The following USP34 variants were observed in gnomAD, a reference collection of about 807,000 sequenced individuals.
USP34 encodes ubiquitin specific peptidase 34.
Under a neutral mutation model 460.3 loss-of-function variants are expected in USP34, and 70 were observed. The observed-to-expected ratio is 0.15, with a 90% CI of 0.13 to 0.19. USP34 has a LOEUF of 0.19. Ranked by LOEUF, USP34 falls within the 10% of genes least tolerant of loss-of-function variation. USP34 has a pLI of 1.00. For missense variants in USP34, 3,985 were observed against 4,236.2 expected, an observed-to-expected ratio of 0.94 and a Z score of 1.65; for synonymous variants, 1,647 against 1,405.3, an observed-to-expected ratio of 1.17 and a Z score of -3.85.
At chr2:61,244,572 G>A (rs570013211) in intron 51 of USP34, among the ~76,000 whole-genome samples, 6 of 150,620 alleles carry the variant, frequency 4.0e-5, no homozygotes, top group Non-Finnish European at 7.4e-5. Flanking sequence ...CCGAGATCGC[G>A]CCACTGACTC....
chr2:61,223,813 C>A (rs549595304), intron 62 of USP34, among the ~76,000 whole-genome samples: 1 of 152,262 alleles, frequency 6.6e-6, no homozygotes, highest in South Asian at 2.1e-4. Flanking sequence ...GCACAAGCCA[C>A]TACACCTAGA....
At chr2:61,230,806 T>G (rs1482191759) in intron 58 of USP34, among the ~76,000 whole-genome samples, 7 of 147,438 alleles carry the variant, frequency 4.7e-5, no homozygotes, top group Non-Finnish European at 7.4e-5. Flanking sequence ...ACCACGGCAC[T>G]GCACTCTAGC....
At chr2:61,374,780 G>T (rs1692741383) in intron 8 of USP34, among the ~76,000 whole-genome samples, 1 of 152,232 alleles carries the variant, frequency 6.6e-6, no homozygotes, top group East Asian at 1.9e-4. Flanking sequence ...TGTTGCCCAG[G>T]CTAGTCTTGA....
In USP34 at chr2:61,212,332, A is replaced by C. The variant is rs114852199; in HGVS notation, c.8683-403T>G. Among the ~76,000 whole-genome samples the C allele has an allele frequency of 5.1e-3, 776 of 152,362 alleles. 7 individuals carry two copies. Among genetic ancestry groups the C allele is most frequent in the African/African-American group, 0.017 (708 of 41,588 alleles). On this transcript the variant is annotated intron_variant, in intron 68 of 79. Transcript: ENST00000398571. ...TTCATTTTTAGTCTTATTACTGCTTAAAGCACTACTTTTGTAACTTCAAAT... is the reference window on the plus strand; with the variant it reads ...TTCATTTTTAGTCTTATTACTGCTTCAAGCACTACTTTTGTAACTTCAAAT...
chr2:61,429,517 C>T (rs1694605850), intron 1 of USP34, among the ~76,000 whole-genome samples: 1 of 152,104 alleles, frequency 6.6e-6, no homozygotes, highest in Non-Finnish European at 1.5e-5. Context: ...GTCCTAGCTA[C>T]CCAGGAGGCT....
intron 1 of USP34, among the ~76,000 whole-genome samples, chr2:61,445,210 G>A (rs2104038574): frequency 9.9e-6 from 1 of 100,754 alleles, no homozygotes; most frequent in South Asian, 3.4e-4. Context: ...ACTGTCAACA[G>A]CAGAACCACA....
chr2:61,333,887 T>C lies in USP34; in HGVS notation c.2829A>G (p.Ile943Met), dbSNP rs1226735276. The C allele has an allele frequency of 1.3e-6, 2 of 1,540,144 alleles. No individual in the cohort carries two copies. Among genetic ancestry groups the C allele is most frequent in the Non-Finnish European group, 1.7e-6 (2 of 1,143,794 alleles). The change falls in exon 19 of 80, where the codon ATA becomes ATG. Residue 943 changes from isoleucine to methionine, a missense_variant. By Grantham distance (10) the Ile-to-Met change is conservative (BLOSUM62 1). Around this residue, in one of 14 missense-constraint regions of USP34, gnomAD observed 1,114 missense variants for 1,122.5 expected, o/e 0.99. Transcript: ENST00000398571. ...TTTTTCTTTTATTTACTTACATTGT[T>C]ATCCAGTGTGTATCGTAACTGCTCC... ...QFGSSYDTHW[I>M]TMWAEKELNM...
intron 27 of USP34, among the ~76,000 whole-genome samples, 192 bp downstream of exon 27, chr2:61,311,348 A>G (rs1690585556): frequency 6.6e-6 from 1 of 152,134 alleles, no homozygotes; most frequent in African/African-American, 2.4e-5. Context: ...TGGACTTCCC[A>G]AATTCTGTTC....
At chr2:61,220,804 A>G (rs560375889) in intron 66 of USP34, among the ~76,000 whole-genome samples, 1 of 152,326 alleles carries the variant, frequency 6.6e-6, no homozygotes, top group East Asian at 1.9e-4. Flanking sequence ...TTCTGATTAC[A>G]TGCCCAACCT....
intron 30 of USP34, among the ~76,000 whole-genome samples, chr2:61,295,814 A>C (rs970924505): frequency 6.6e-6 from 1 of 152,322 alleles, no homozygotes. Flanking sequence ...CTTCACTTCC[A>C]AGTCTTGTGA....
chr2:61,252,209 A>G (rs1338502209), intron 48 of USP34, among the ~76,000 whole-genome samples: 4 of 152,210 alleles, frequency 2.6e-5, no homozygotes, highest in African/African-American at 9.7e-5. Flanking sequence ...TTTGTGAACC[A>G]GAATTGCAAA....
chr2:61,265,298 T>G, intron 43 of USP34, 99 bp downstream of exon 43: 2 of 1,344,136 alleles, frequency 1.5e-6, no homozygotes, highest in Non-Finnish European at 2.0e-6. Flanking sequence ...TATTCACAAA[T>G]TATTTTTTCA....
intron 1 of USP34, among the ~76,000 whole-genome samples, chr2:61,436,321 A>G (rs1355776434): frequency 1.3e-5 from 2 of 152,196 alleles, no homozygotes; most frequent in Non-Finnish European, 2.9e-5. Context: ...CTCTGTCCCA[A>G]CAAAATAAAG....
chr2:61,408,443 G>A (rs1573011953), intron 2 of USP34, among the ~76,000 whole-genome samples: 1 of 151,854 alleles, frequency 6.6e-6, no homozygotes, highest in Non-Finnish European at 1.5e-5. Flanking sequence ...TTTATCTGTG[G>A]CAAAATGAAA....
At position 61,421,030 on chromosome 2, in the gene USP34, G is replaced by T. The variant is rs537096517; in HGVS notation, c.44-197C>A. ...GATTTTTGACAGATGTAAGGGGTGG[G>T]GGGGGCAGTGAGACTTTGCCACTTA... On this transcript the variant is annotated intron_variant, in intron 1 of 79. Coordinates refer to ENST00000398571, the MANE Select transcript of USP34 (RefSeq NM_014709.4). Among the ~76,000 whole-genome samples the T allele has an allele frequency of 1.6e-3, 247 of 152,098 alleles. 1 individual carries two copies. Among genetic ancestry groups the T allele is most frequent in the African/African-American group, 5.5e-3 (227 of 41,498 alleles).
chr2:61,208,787 C>A, intron 70 of USP34, 112 bp downstream of exon 70: 2 of 629,220 alleles, frequency 3.2e-6, no homozygotes, highest in Admixed American at 3.7e-5. Flanking sequence ...ATAATTAAAA[C>A]CTTGCCACCT....
chr2:61,405,214 C>T (rs1027050318), intron 3 of USP34, among the ~76,000 whole-genome samples: 1 of 100,248 alleles, frequency 1.0e-5, no homozygotes, highest in Non-Finnish European at 1.8e-5. Flanking sequence ...GCCTGGGCAA[C>T]AGAGAGAGAC....
intron 1 of USP34, among the ~76,000 whole-genome samples, chr2:61,431,451 T>C (rs182746016): frequency 5.3e-5 from 8 of 152,336 alleles, no homozygotes; most frequent in African/African-American, 1.9e-4. Context: ...GGTCACTAAC[T>C]CCTGGCCTCA....
intron 16 of USP34, among the ~76,000 whole-genome samples, chr2:61,340,006 A>G (rs1046193713): frequency 1.3e-5 from 2 of 152,172 alleles, no homozygotes; most frequent in Admixed American, 1.3e-4. Context: ...GAATAGTGCC[A>G]TTTAGATTTG....
Sources: allele counts gnomAD v4.1 joint callset (sites outside exome capture counted in the v4.1 genomes callset), GRCh38; gene constraint gnomAD v4.1.1; regional missense constraint gnomAD v4.1.1; transcripts MANE v1.5; gene names NCBI Gene and HGNC (gene_info 2026-07-23, HGNC 2026-07-21).